Variants in NCF2 observed in about 807,000 individuals in gnomAD.
NCF2 encodes the protein neutrophil cytosol factor 2.
Under a neutral mutation model 70.9 loss-of-function variants are expected in NCF2, and 45 were observed. The observed-to-expected ratio is 0.63, with a 90% CI of 0.50 to 0.81. NCF2 has a LOEUF of 0.81. Among genes scored for constraint, NCF2 ranks in the 40% least tolerant of loss-of-function variants. The probability of loss-of-function intolerance (pLI) is 0.00; values close to 1 mark genes in which losing one functional copy is unlikely to be tolerated. For synonymous variants in NCF2, 203 were observed against 233.6 expected (o/e 0.87, Z 1.19); for missense variants, 522 against 631.6 (o/e 0.83, Z 1.86).
At chr1:183,582,265 C>T (rs1167433588) in intron 2 of NCF2, among the ~76,000 whole-genome samples, 1 of 152,240 alleles carries the variant, frequency 6.6e-6, no homozygotes, top group African/African-American at 2.4e-5. Context: ...AAGCATCCCC[C>T]AGGAGGCAGC....
intron 14 of NCF2, among the ~76,000 whole-genome samples, chr1:183,557,467 ATCC>A (rs1671841798): frequency 6.6e-6 from 1 of 152,240 alleles, no homozygotes; most frequent in African/African-American, 2.4e-5. Flanking sequence ...CAGAGTCAGA[ATCC>A]ATTTAGGAAG....
intron 9 of NCF2, 124 bp downstream of exon 9, chr1:183,566,796 C>G (rs1340559010): frequency 2.4e-6 from 3 of 1,265,100 alleles, no homozygotes; most frequent in Non-Finnish European, 2.3e-6. Flanking sequence ...TCAAGGCGGG[C>G]TCAAGACTAG....
chr1:183,580,042 T>C (rs1211269512), intron 2 of NCF2, among the ~76,000 whole-genome samples: 1 of 152,212 alleles, frequency 6.6e-6, no homozygotes. Flanking sequence ...AGTTTAGAGC[T>C]GAGCACAAGG....
At chr1:183,558,330 C>G (rs915671197) in intron 14 of NCF2, among the ~76,000 whole-genome samples, 5 of 151,560 alleles carry the variant, frequency 3.3e-5, no homozygotes, top group African/African-American at 9.7e-5. Flanking sequence ...TGCAGTGGCA[C>G]AATCTCAGCT....
upstream of NCF2, among the ~76,000 whole-genome samples, chr1:183,594,182 G>A (rs1200966444): frequency 6.6e-6 from 1 of 152,210 alleles, no homozygotes; most frequent in Non-Finnish European, 1.5e-5. Flanking sequence ...TAGGTGGGAA[G>A]ATCCCTTGAG....
intron 2 of NCF2, among the ~76,000 whole-genome samples, chr1:183,584,799 C>T (rs1347002074): frequency 6.6e-6 from 1 of 152,046 alleles, no homozygotes; most frequent in African/African-American, 2.4e-5. Flanking sequence ...AGAGGCAAGA[C>T]GTCGGTCAAG....
At chr1:183,580,540 G>A (rs920182950) in intron 2 of NCF2, among the ~76,000 whole-genome samples, 19 of 152,304 alleles carry the variant, frequency 1.2e-4, no homozygotes, top group Middle Eastern at 3.4e-3. Flanking sequence ...TTTAACTGCC[G>A]TCAGCATCAA....
At chr1:183,560,421 C>T (rs750810925) in intron 13 of NCF2, 148 bp from the exon 14 acceptor site, 92 of 915,510 alleles carry the variant, frequency 1.0e-4, no homozygotes, top group Non-Finnish European at 1.6e-4. Flanking sequence ...AGCTTATATG[C>T]TCTTTATGAA....
chr1:183,566,822 G>T, intron 9 of NCF2, 98 bp downstream of exon 9: 1 of 1,457,208 alleles, frequency 6.9e-7, no homozygotes, highest in Non-Finnish European at 9.6e-7. Flanking sequence ...CTTTCTCCAG[G>T]GGTCCTGACA....
chr1:183,558,902 T>A (rs1671913826), intron 14 of NCF2, among the ~76,000 whole-genome samples: 1 of 151,660 alleles, frequency 6.6e-6, no homozygotes, highest in Non-Finnish European at 1.5e-5. Flanking sequence ...TCTCTTTGTC[T>A]GTTGGATTTT....
chr1:183,569,590 TA>T (rs908031287), intron 6 of NCF2, among the ~76,000 whole-genome samples: 25 of 151,896 alleles, frequency 1.6e-4, no homozygotes, highest in African/African-American at 6.0e-4. Flanking sequence ...TAAATTAATT[TA>T]AAAAAAATTT....
At chr1:183,567,160 C>G in intron 8 of NCF2, 44 bp downstream of exon 8, 1 of 1,613,932 alleles carries the variant, frequency 6.2e-7, no homozygotes, top group Non-Finnish European at 8.5e-7. Context: ...CATTTGCTGC[C>G]AGGATCCCAT....
In NCF2 at chr1:183,581,148, G is replaced by T. The variant is rs529470393; in HGVS notation, c.258-3441C>A. On this transcript the variant is annotated intron_variant, in intron 2 of 14. Coordinates refer to ENST00000367535, the MANE Select transcript of NCF2 (RefSeq NM_000433.4). ...GTACAAAAAATTAGCCAGGCATAGT[G>T]GTACGTGCCTGTAGTCCCAGCTACC... Among the ~76,000 whole-genome samples, 28 of 152,026 alleles carry T rather than the reference G, an allele frequency of 1.8e-4. 1 individual carries two copies. Among genetic ancestry groups the T allele is most frequent in the Middle Eastern group, 3.4e-3 (1 of 294 alleles).
intron 2 of NCF2, among the ~76,000 whole-genome samples, chr1:183,582,389 C>T (rs1673157444): frequency 6.6e-6 from 1 of 152,222 alleles, no homozygotes; most frequent in Non-Finnish European, 1.5e-5. Flanking sequence ...GACCCAAAGC[C>T]CCTCCCCTCC....
the NCF2 span, among the ~76,000 whole-genome samples, chr1:183,599,462 C>CT: frequency 1.3e-4 from 18 of 137,522 alleles, no homozygotes; most frequent in African/African-American, 4.6e-4. Context: ...TTCTTTCTTT[C>CT]TTTCTTTCTT....
At chr1:183,592,416 T>C (rs1233193129), upstream of NCF2, among the ~76,000 whole-genome samples, 2 of 152,228 alleles carry the variant, frequency 1.3e-5, no homozygotes, top group Non-Finnish European at 2.9e-5. Context: ...TTCCTCTCCT[T>C]TGTACCACCT....
chr1:183,593,421 G>A (rs1005638850), upstream of NCF2, among the ~76,000 whole-genome samples: 13 of 151,956 alleles, frequency 8.6e-5, no homozygotes, highest in Middle Eastern at 3.2e-3. Flanking sequence ...GATATAACCC[G>A]AACTCCTTCC....
intron 13 of NCF2, 39 bp downstream of exon 13, chr1:183,563,156 A>G (rs548820898): frequency 1.3e-6 from 2 of 1,567,772 alleles, no homozygotes; most frequent in Admixed American, 1.7e-5. Context: ...GAAGTGGCTC[A>G]GTGGAAATGT....
chr1:183,580,120 G>C (rs1672992157), intron 2 of NCF2, among the ~76,000 whole-genome samples: 1 of 152,166 alleles, frequency 6.6e-6, no homozygotes, highest in African/African-American at 2.4e-5. Context: ...ATCACCATTA[G>C]GGTTGAGGTA....
Sources: gnomAD v4.1 joint callset for allele counts (sites outside exome capture counted in the v4.1 genomes callset) on GRCh38, gnomAD v4.1.1 for gene constraint, MANE v1.5 for transcripts, NCBI Gene and HGNC (gene_info 2026-07-23, HGNC 2026-07-21) for gene names.